The following BMERB1 variants were observed in gnomAD, a reference collection of about 807,000 sequenced individuals.
The protein encoded by BMERB1 is bMERB domain-containing protein 1.
Under a neutral mutation model 23.6 loss-of-function variants are expected in BMERB1, and 12 were observed. That is an observed-to-expected ratio of 0.51 (90% CI 0.33 to 0.82). The LOEUF is 0.82. BMERB1 is among the 40% of genes least tolerant of loss of function. The pLI is 0.03. For missense variants in BMERB1, 247 were observed against 255.4 expected, an observed-to-expected ratio of 0.97 and a Z score of 0.22; for synonymous variants, 122 against 96.6, an observed-to-expected ratio of 1.26 and a Z score of -1.54.
At chr16:15,504,997 A>G (rs1358381990) in intron 1 of BMERB1, among the ~76,000 whole-genome samples, 1 of 152,088 alleles carries the variant, frequency 6.6e-6, no homozygotes, top group Non-Finnish European at 1.5e-5. Flanking sequence ...GGGTTGAAAT[A>G]ATCGCTCAAA....
intron 2 of BMERB1, among the ~76,000 whole-genome samples, chr16:15,565,318 T>C (rs777550590): frequency 2.6e-5 from 4 of 152,204 alleles, no homozygotes; most frequent in Non-Finnish European, 5.9e-5. Context: ...AATGAAAATA[T>C]GATTTCTGTC....
At chr16:15,493,481 T>C (rs2051442260) in intron 1 of BMERB1, among the ~76,000 whole-genome samples, 1 of 152,166 alleles carries the variant, frequency 6.6e-6, no homozygotes, top group East Asian at 1.9e-4. Context: ...CCCTAAGGAT[T>C]TCCAGTACTG....
At chr16:15,507,328 A>C (rs1567473689) in intron 1 of BMERB1, among the ~76,000 whole-genome samples, 1 of 152,102 alleles carries the variant, frequency 6.6e-6, no homozygotes, top group Non-Finnish European at 1.5e-5. Context: ...GCTGGTGCAT[A>C]CCAGGGCTGC....
chr16:15,533,466 T>A (rs1027454168), intron 2 of BMERB1, among the ~76,000 whole-genome samples: 1 of 151,556 alleles, frequency 6.6e-6, no homozygotes, highest in East Asian at 1.9e-4. Flanking sequence ...TCAATCTTGG[T>A]TCACTGCAAC....
intron 1 of BMERB1, among the ~76,000 whole-genome samples, chr16:15,470,273 C>T (rs1026515783): frequency 3.3e-5 from 5 of 152,128 alleles, no homozygotes; most frequent in South Asian, 4.1e-4. Context: ...TATAGTGGAT[C>T]ACACATTGAT....
chr16:15,526,987 T>C (rs1482329021), intron 2 of BMERB1, among the ~76,000 whole-genome samples: 1 of 148,402 alleles, frequency 6.7e-6, no homozygotes, highest in Non-Finnish European at 1.5e-5. Flanking sequence ...TATTATAGTA[T>C]ATTTTATATA....
intron 1 of BMERB1, among the ~76,000 whole-genome samples, chr16:15,443,969 G>A (rs1311993883): frequency 6.6e-6 from 1 of 151,790 alleles, no homozygotes; most frequent in African/African-American, 2.4e-5. Flanking sequence ...CTGGGGAGCT[G>A]CAGGCCAACA....
intron 2 of BMERB1, among the ~76,000 whole-genome samples, chr16:15,544,202 G>A (rs1281753101): frequency 5.3e-5 from 8 of 152,162 alleles, no homozygotes; most frequent in African/African-American, 1.7e-4. Context: ...AGATGCTGAT[G>A]AGTCCACTTT....
chr16:15,559,710 C>G lies in BMERB1; in HGVS notation c.231-8273C>G, dbSNP rs189207462. Among the ~76,000 whole-genome samples the G allele has an allele frequency of 3.3e-5, 5 of 152,286 alleles. No individual in the cohort carries two copies. In the East Asian group the frequency reaches 9.6e-4, roughly 29 times the overall value. On this transcript the variant is annotated intron_variant, in intron 2 of 5. Transcript: ENST00000300006. ...TAGTTACGTGAATGGACACCTAACC[C>G]TGATGGACAGCTTGGGGTCGGGGGA... is the stretch of plus-strand genomic sequence containing the variant.
chr16:15,480,835 A>G lies in BMERB1; in HGVS notation c.107-34470A>G, dbSNP rs567101201. On this transcript the variant is annotated intron_variant, in intron 1 of 5. Transcript: ENST00000300006. Reference sequence around the variant, plus strand: ...CACCATGTTGGCCAGGATGGTTTCGATCTCTTGACGTCAAGATCCACTGAC... The same window carrying G: ...CACCATGTTGGCCAGGATGGTTTCGGTCTCTTGACGTCAAGATCCACTGAC... 7.3e-5 allele frequency among the ~76,000 whole-genome samples: 11 copies of G among 151,666 alleles called. 1 individual carries two copies. The South Asian group carries it at 2.3e-3, about 32-fold the overall frequency.
intron 1 of BMERB1, among the ~76,000 whole-genome samples, chr16:15,486,116 C>T (rs1031354582): frequency 4.7e-5 from 7 of 149,654 alleles, no homozygotes; most frequent in African/African-American, 1.7e-4. Flanking sequence ...GTGGCACAAT[C>T]GCTGGAACTT....
chr16:15,464,281 T>G (rs1286775125), intron 1 of BMERB1, among the ~76,000 whole-genome samples: 1 of 148,180 alleles, frequency 6.7e-6, no homozygotes, highest in Non-Finnish European at 1.5e-5. Flanking sequence ...CCACTGCACT[T>G]CAGTCTGGGC....
intron 1 of BMERB1, among the ~76,000 whole-genome samples, chr16:15,448,292 T>C (rs764609727): frequency 2.0e-5 from 3 of 152,144 alleles, no homozygotes; most frequent in Non-Finnish European, 2.9e-5. Context: ...TTTGGAATTA[T>C]CCCATGATGA....
chr16:15,449,733 A>G (rs902332575), intron 1 of BMERB1, among the ~76,000 whole-genome samples: 3 of 151,756 alleles, frequency 2.0e-5, no homozygotes, highest in Non-Finnish European at 4.4e-5. Context: ...TTTACTAGAG[A>G]CAAGCTTTCA....
chr16:15,479,838 T>A, intron 1 of BMERB1, among the ~76,000 whole-genome samples: 1 of 151,688 alleles, frequency 6.6e-6, no homozygotes, highest in South Asian at 2.1e-4. Context: ...CCCAGCATTT[T>A]GGGAGGCTGA....
intron 2 of BMERB1, among the ~76,000 whole-genome samples, chr16:15,517,822 CTGGATGTGTGTGTATATGTGTATTG>C (rs935260567): frequency 7.9e-6 from 1 of 125,982 alleles, no homozygotes; most frequent in African/African-American, 3.0e-5. Context: ...ATGTGGGTGT[CTGGATGTGTGTGTATATGTGTATTG>C]TGGATGTGTG....
chr16:15,517,105 C>G (rs1198677221), intron 2 of BMERB1, among the ~76,000 whole-genome samples: 2 of 152,236 alleles, frequency 1.3e-5, no homozygotes, highest in Non-Finnish European at 2.9e-5. Context: ...GAGGAAGGTT[C>G]TAGAACATTT....
chr16:15,520,686 A>C (rs966343429), intron 2 of BMERB1, among the ~76,000 whole-genome samples: 1 of 151,696 alleles, frequency 6.6e-6, no homozygotes, highest in South Asian at 2.1e-4. Context: ...ACGGGGTTTC[A>C]CCGTGTTAGC....
chr16:15,534,512 C>G (rs1012513813), intron 2 of BMERB1, among the ~76,000 whole-genome samples: 9 of 151,888 alleles, frequency 5.9e-5, no homozygotes, highest in African/African-American at 2.2e-4. Flanking sequence ...CGAGATTGTG[C>G]CACTACACTC....
Sources: allele counts gnomAD v4.1 joint callset (sites outside exome capture counted in the v4.1 genomes callset), GRCh38; gene constraint gnomAD v4.1.1; transcripts MANE v1.5; gene names NCBI Gene and HGNC (gene_info 2026-07-23, HGNC 2026-07-21).